The following LEPR variants were observed in gnomAD, a reference collection of about 807,000 sequenced individuals.
LEPR encodes leptin receptor, also known as OB receptor.
Under a neutral mutation model 114.7 loss-of-function variants are expected in LEPR, and 56 were observed. The observed-to-expected ratio is 0.49, with a 90% CI of 0.39 to 0.61. LEPR has a LOEUF of 0.61. Among genes scored for constraint, LEPR ranks in the 20% least tolerant of loss-of-function variants. LEPR has a pLI of 0.00. For synonymous variants in LEPR, 443 were observed against 461.4 expected, an observed-to-expected ratio of 0.96 and a Z score of 0.51; for missense variants, 1,202 against 1,352.9, an observed-to-expected ratio of 0.89 and a Z score of 1.75.
intron 2 of LEPR, among the ~76,000 whole-genome samples, chr1:65,464,784 ATTT>A (rs2100389005): frequency 6.6e-6 from 1 of 152,130 alleles, no homozygotes; most frequent in Non-Finnish European, 1.5e-5. Context: ...GAATTAATCC[ATTT>A]CTTCTAGATT....
chr1:65,579,810 T>C (rs1654857580), intron 5 of LEPR, among the ~76,000 whole-genome samples: 3 of 152,144 alleles, frequency 2.0e-5, no homozygotes, highest in South Asian at 4.1e-4. Flanking sequence ...AGTATATGTG[T>C]AATATATAGA....
In LEPR at chr1:65,639,513, C is replaced by T. The variant is rs1658805713; in HGVS notation, c.*2498C>T. 6.6e-6 allele frequency: 1 copy of T among 152,036 alleles called. No homozygotes were observed. Among genetic ancestry groups the T allele is most frequent in the Non-Finnish European group, 1.5e-5 (1 of 68,010 alleles). 9.4% of individuals were successfully genotyped at this position (152,036 alleles called of 1,614,324 possible). A position where few individuals can be genotyped will look rare whatever the true frequency, so the allele number is the denominator to read the frequency against. The stretch of plus-strand genomic sequence containing the variant: ...CCTGCCATGAAATACTGGATTTTCA[C>T]ATAATTTAGAAAAAATTTAGAATGT... On this transcript the variant is annotated 3_prime_UTR_variant, in exon 20 of 20. Transcript: ENST00000349533.
chr1:65,589,900 C>T (rs1655572454), intron 5 of LEPR, among the ~76,000 whole-genome samples: 1 of 151,844 alleles, frequency 6.6e-6, no homozygotes. Flanking sequence ...TTTGGCTATT[C>T]TAGATTCTTT....
At position 65,633,646 on chromosome 1, in the gene LEPR, TG is replaced by T; in HGVS notation, c.2674-2544del. 1 of 985,246 alleles carries T rather than the reference TG, an allele frequency of 1.0e-6. No individual in the cohort carries two copies. The highest frequency in any genetic ancestry group is 4.7e-5 in the South Asian group (1 of 21,310). The allele number at this position is 985,246 out of a possible 1,614,324, so 61.0% of individuals were successfully genotyped here. On this transcript the variant is annotated intron_variant, in intron 19 of 19. Coordinates refer to ENST00000349533, the MANE Select transcript of LEPR (RefSeq NM_002303.6). The surrounding 1 kb of genome is among the most constrained non-coding windows in gnomAD (Gnocchi z 4.1). ...TGAAAATATTTAGTTTGTATTTTTATGTCCAAACTTTTCCATTTTAGATTCC... is the reference window on the plus strand; with the variant it reads ...TGAAAATATTTAGTTTGTATTTTTATTCCAAACTTTTCCATTTTAGATTCC...
chr1:65,523,513 G>A (rs1649741647), intron 2 of LEPR, among the ~76,000 whole-genome samples: 1 of 152,054 alleles, frequency 6.6e-6, no homozygotes, highest in African/African-American at 2.4e-5. Flanking sequence ...GTTTCACCAT[G>A]TTGGTCAGGC....
chr1:65,493,870 C>T (rs1320668730), intron 2 of LEPR: 6 of 152,104 alleles, frequency 3.9e-5, no homozygotes, highest in African/African-American at 1.4e-4. Context: ...TCCACAGGAA[C>T]CCTATTCTGT....
chr1:65,516,850 T>A (rs1033667776), intron 2 of LEPR, among the ~76,000 whole-genome samples: 3 of 152,174 alleles, frequency 2.0e-5, no homozygotes, highest in Non-Finnish European at 4.4e-5. Context: ...CTGTACCCAT[T>A]TCATAAAGAC....
intron 2 of LEPR, among the ~76,000 whole-genome samples, chr1:65,519,153 T>TTCCTTCCTTTCC (rs1553160718): frequency 8.9e-6 from 1 of 112,202 alleles, no homozygotes; most frequent in Non-Finnish European, 2.0e-5. Flanking sequence ...CCTTCCTTCC[T>TTCCTTCCTTTCC]TTCCTTCCTT....
At chr1:65,503,778 A>G (rs1648581620) in intron 2 of LEPR, among the ~76,000 whole-genome samples, 2 of 145,416 alleles carry the variant, frequency 1.4e-5, no homozygotes, top group Non-Finnish European at 3.0e-5. Context: ...ATAGATACGT[A>G]TATATACTGA....
rs764418179 is a variant in LEPR at position 65,429,951 on chromosome 1, C to T, written c.-21+4573C>T. The T allele has an allele frequency of 5.7e-6, 9 of 1,575,700 alleles. No individual in the cohort carries two copies. In the Admixed American group the frequency reaches 1.3e-4, roughly 24 times the overall value. On this transcript the variant is annotated intron_variant, in intron 2 of 19. Coordinates refer to ENST00000349533, the MANE Select transcript of LEPR (RefSeq NM_002303.6). ...AAAAGAGTCACCTATGACTCAGATG[C>T]AACCAGTAGTGCCTGTCGGGAACTG...
At chr1:65,535,170 CAGAG>C (rs1332640166) in intron 2 of LEPR, among the ~76,000 whole-genome samples, 1 of 151,948 alleles carries the variant, frequency 6.6e-6, no homozygotes, top group South Asian at 2.1e-4. Flanking sequence ...TGTATAAACA[CAGAG>C]AGAAAACATA....
At chr1:65,474,050 A>G (rs1647125009) in intron 2 of LEPR, among the ~76,000 whole-genome samples, 1 of 152,228 alleles carries the variant, frequency 6.6e-6, no homozygotes, top group African/African-American at 2.4e-5. Context: ...GCTAAAAGTG[A>G]TTGAACAGGG....
intron 2 of LEPR, among the ~76,000 whole-genome samples, chr1:65,444,427 A>C (rs1042297578): frequency 3.9e-4 from 60 of 152,148 alleles, no homozygotes; most frequent in African/African-American, 1.4e-3. Flanking sequence ...AGCTTCAACT[A>C]TCTGGCCCTT....
At chr1:65,441,638 A>C (rs1020340941) in intron 2 of LEPR, among the ~76,000 whole-genome samples, 3 of 152,168 alleles carry the variant, frequency 2.0e-5, no homozygotes, top group South Asian at 2.1e-4. Flanking sequence ...TTTAGATAAT[A>C]AAGTGAGGAG....
intron 2 of LEPR, among the ~76,000 whole-genome samples, chr1:65,440,632 C>T (rs1053044463): frequency 2.6e-5 from 4 of 152,070 alleles, no homozygotes; most frequent in Non-Finnish European, 2.9e-5. Context: ...GCAAGTGCAG[C>T]GGCCCTGAGC....
chr1:65,525,514 C>A (rs1373029837), intron 2 of LEPR: 2 of 549,032 alleles, frequency 3.6e-6, no homozygotes, highest in Non-Finnish European at 4.6e-6. Context: ...CCTGCGCGAC[C>A]GCCCTAGCCG....
At chr1:65,434,596 T>C (rs1646533303) in intron 2 of LEPR, 1 of 985,334 alleles carries the variant, frequency 1.0e-6, no homozygotes, top group Non-Finnish European at 1.2e-6. Context: ...TGCCTGAGTT[T>C]TGGGTCTCTG....
At chr1:65,487,344 A>C (rs548604480) in intron 2 of LEPR, among the ~76,000 whole-genome samples, 1 of 152,266 alleles carries the variant, frequency 6.6e-6, no homozygotes, top group East Asian at 1.9e-4. Flanking sequence ...TGGGCACTAC[A>C]TGATGTTTGT....
chr1:65,612,435 G>T (rs1657235475), intron 14 of LEPR, among the ~76,000 whole-genome samples: 2 of 152,084 alleles, frequency 1.3e-5, no homozygotes, highest in African/African-American at 4.8e-5. Flanking sequence ...TTCTTTTTCT[G>T]GTTCAGGATT....
Sources: allele counts gnomAD v4.1 joint callset (sites outside exome capture counted in the v4.1 genomes callset), GRCh38; gene constraint gnomAD v4.1.1; non-coding constraint Gnocchi (gnomAD v3.1); transcripts MANE v1.5; gene names NCBI Gene and HGNC (gene_info 2026-07-23, HGNC 2026-07-21).